SLC2A13: variants seen among roughly 807,000 people sequenced by gnomAD.
SLC2A13 encodes the protein solute carrier family 2 member 13.
Under a neutral mutation model 64.4 loss-of-function variants are expected in SLC2A13, and 32 were observed. The ratio of observed to expected loss-of-function variants is 0.50; its 90% confidence interval spans 0.37 to 0.67. The LOEUF (loss-of-function observed/expected upper bound fraction) is 0.67. Ranked by LOEUF, SLC2A13 falls within the 30% of genes least tolerant of loss-of-function variation. SLC2A13 has a pLI of 0.00. For missense variants in SLC2A13, 743 were observed against 829.2 expected, an observed-to-expected ratio of 0.90 and a Z score of 1.28; for synonymous variants, 338 against 327.1, an observed-to-expected ratio of 1.03 and a Z score of -0.36.
intron 2 of SLC2A13, among the ~76,000 whole-genome samples, chr12:40,041,794 T>A (rs1346820595): frequency 6.6e-6 from 1 of 152,246 alleles, no homozygotes; most frequent in Non-Finnish European, 1.5e-5. Context: ...GTTCTGGGCA[T>A]CACTGCCGTA....
intron 7 of SLC2A13, among the ~76,000 whole-genome samples, chr12:39,773,167 A>T (rs932751880): frequency 6.6e-6 from 1 of 152,150 alleles, no homozygotes; most frequent in African/African-American, 2.4e-5. Flanking sequence ...ATGCTCTTGG[A>T]TGTGGCACCT....
At chr12:39,988,170 C>T (rs187124662) in intron 3 of SLC2A13, among the ~76,000 whole-genome samples, 30 of 151,938 alleles carry the variant, frequency 2.0e-4, no homozygotes, top group East Asian at 1.5e-3. Flanking sequence ...AATGCTGGGC[C>T]GAAAGTTTTG....
At chr12:39,947,187 A>G (rs1018382994) in intron 4 of SLC2A13, among the ~76,000 whole-genome samples, 2 of 152,240 alleles carry the variant, frequency 1.3e-5, no homozygotes, top group Non-Finnish European at 2.9e-5. Context: ...GAGTGGCTAA[A>G]AAGTAAAAGA....
intron 3 of SLC2A13, among the ~76,000 whole-genome samples, chr12:40,013,072 A>G (rs1947557299): frequency 6.6e-6 from 1 of 152,180 alleles, no homozygotes; most frequent in Admixed American, 6.5e-5. Context: ...GCTACAGTAA[A>G]AATGTTTTTA....
chr12:39,948,293 T>C (rs899996682), intron 4 of SLC2A13, among the ~76,000 whole-genome samples: 1 of 152,084 alleles, frequency 6.6e-6, no homozygotes, highest in African/African-American at 2.4e-5. Context: ...GATGAGAATG[T>C]ATGGGTTGGG....
chr12:40,040,803 C>A (rs775471092), intron 2 of SLC2A13, among the ~76,000 whole-genome samples: 1 of 152,172 alleles, frequency 6.6e-6, no homozygotes, highest in Non-Finnish European at 1.5e-5. Flanking sequence ...GTGATTGACT[C>A]ATATTCTACA....
intron 1 of SLC2A13, among the ~76,000 whole-genome samples, chr12:40,065,538 T>C (rs1301918218): frequency 6.6e-6 from 1 of 152,032 alleles, no homozygotes; most frequent in African/African-American, 2.4e-5. Flanking sequence ...TGAGCTGTGA[T>C]CATATCACTG....
chr12:39,982,564 A>G (rs1946928184), intron 3 of SLC2A13, among the ~76,000 whole-genome samples: 1 of 150,386 alleles, frequency 6.6e-6, no homozygotes, highest in Non-Finnish European at 1.5e-5. Flanking sequence ...TCATGAGTGA[A>G]CTCCCATTCA....
chr12:39,952,882 C>G (rs531235280), intron 3 of SLC2A13, among the ~76,000 whole-genome samples: 1 of 152,268 alleles, frequency 6.6e-6, no homozygotes, highest in African/African-American at 2.4e-5. Context: ...GCAGGCTCAT[C>G]TGCAAATACA....
rs947919602 is a variant in SLC2A13, at chr12:39,755,869, T to G, written c.*4157A>C. 3.3e-5 allele frequency: 5 copies of G among 152,048 alleles called. No individual in the cohort carries two copies. The highest frequency in any genetic ancestry group is 7.4e-5 in the Non-Finnish European group (5 of 67,840). 9.4% of individuals were successfully genotyped at this position (152,048 alleles called of 1,614,324 possible). On this transcript the variant is annotated 3_prime_UTR_variant, in exon 10 of 10. Coordinates refer to ENST00000280871, the MANE Select transcript of SLC2A13 (RefSeq NM_052885.4). The stretch of plus-strand genomic sequence containing the variant: ...AAATTATACGGATAAAATACTTTCA[T>G]GAACTTCTGAACATCAACACTCTTA...
chr12:39,805,025 A>AGAGAAGCCTGCTGGAAG (rs2135792793), intron 7 of SLC2A13, among the ~76,000 whole-genome samples: 1 of 147,776 alleles, frequency 6.8e-6, no homozygotes, highest in African/African-American at 2.5e-5. Flanking sequence ...CCTGCTGGAG[A>AGAGAAGCCTGCTGGAAG]GAGAAGCCTG....
chr12:39,968,596 C>T (rs1415038573), intron 3 of SLC2A13, among the ~76,000 whole-genome samples: 7 of 151,846 alleles, frequency 4.6e-5, no homozygotes, highest in Admixed American at 4.6e-4. Context: ...CACTATTATT[C>T]CCCTTCCTTG....
intron 4 of SLC2A13, among the ~76,000 whole-genome samples, chr12:39,906,777 G>A (rs899918313): frequency 6.6e-5 from 10 of 152,024 alleles, no homozygotes; most frequent in Non-Finnish European, 1.3e-4. Context: ...GGTCTTCTAC[G>A]ATTATTTTAA....
intron 3 of SLC2A13, among the ~76,000 whole-genome samples, chr12:39,984,145 C>T (rs1011431037): frequency 1.4e-5 from 2 of 142,496 alleles, no homozygotes; most frequent in African/African-American, 2.6e-5. Flanking sequence ...CACATGGACA[C>T]AGGAAGGGGA....
At position 39,794,149 on chromosome 12, in the gene SLC2A13, AC is replaced by A. The variant is rs1377589213; in HGVS notation, c.1446-29292del. On this transcript the variant is annotated intron_variant, in intron 7 of 9. Transcript: ENST00000280871. ...AAAAAAAAAAAAAAAAAAAAAAAAAACCAAAACAAAACCTCCCTTCTGCAAA... is the reference window on the plus strand; with the variant it reads ...AAAAAAAAAAAAAAAAAAAAAAAAAACAAAACAAAACCTCCCTTCTGCAAA... 4.5e-4 allele frequency among the ~76,000 whole-genome samples: 57 copies of A among 126,000 alleles called. 1 individual carries two copies. Among genetic ancestry groups the A allele is most frequent in the African/African-American group, 1.7e-3 (55 of 33,132 alleles). The allele number at this position is 126,000 out of a possible 152,430, so 82.7% of individuals were successfully genotyped here. A position where few individuals can be genotyped will look rare whatever the true frequency, so the allele number is the denominator to read the frequency against.
intron 4 of SLC2A13, among the ~76,000 whole-genome samples, chr12:39,903,139 C>A (rs745757051): frequency 1.3e-5 from 2 of 152,062 alleles, no homozygotes; most frequent in Non-Finnish European, 2.9e-5. Context: ...CTAAATTGGT[C>A]TGATAGGCAT....
intron 3 of SLC2A13, among the ~76,000 whole-genome samples, chr12:40,024,282 C>A (rs1008107746): frequency 6.6e-6 from 1 of 152,218 alleles, no homozygotes; most frequent in African/African-American, 2.4e-5. Flanking sequence ...TAATTTAACA[C>A]TTAGGCTTGG....
rs1198972183 is a variant in SLC2A13 at position 39,760,081 on chromosome 12, C to T, written c.1892G>A (p.Arg631Gln). 5.0e-6 allele frequency: 8 copies of T among 1,612,696 alleles called. No individual in the cohort carries two copies. The highest frequency in any genetic ancestry group is 1.1e-5 in the South Asian group (1 of 91,036). Residue 631 changes from arginine (R) to glutamine (Q), a missense_variant, in exon 10 of 10, where the codon CGG becomes CAG. Arg to Gln is a conservative substitution (Grantham distance 43, BLOSUM62 1). Transcript: ENST00000280871. ...AAGATGATAGTTACTTCCCTTTACC[C>T]GAATATATTCAATATATCTCCCTTC... ...SDEGRYIEYI[R>Q]VKGSNYHLSD...
chr12:39,756,512 A>G lies in SLC2A13; in HGVS notation c.*3514T>C, dbSNP rs1044417480. On this transcript the variant is annotated 3_prime_UTR_variant, in exon 10 of 10. Coordinates refer to ENST00000280871, the MANE Select transcript of SLC2A13 (RefSeq NM_052885.4). The stretch of plus-strand genomic sequence containing the variant: ...GCTGATGAAATAAAACCAAAATAAC[A>G]TTCCAACTCTCTCCACTGTATTACA... The G allele has an allele frequency of 6.6e-6, 1 of 151,894 alleles. No individual in the cohort carries two copies. The highest frequency in any genetic ancestry group is 2.4e-5 in the African/African-American group (1 of 41,426). 9.4% of individuals were successfully genotyped at this position (151,894 alleles called of 1,614,324 possible).
Sources: allele counts gnomAD v4.1 joint callset (sites outside exome capture counted in the v4.1 genomes callset), GRCh38; gene constraint gnomAD v4.1.1; transcripts MANE v1.5; gene names NCBI Gene and HGNC (gene_info 2026-07-23, HGNC 2026-07-21).